PRKN: variants seen among roughly 807,000 people sequenced by gnomAD.
PRKN encodes parkin RBR E3 ubiquitin protein ligase.
A neutral mutation model predicts 59.5 loss-of-function variants in PRKN; 56 were observed. The ratio of observed to expected loss-of-function variants is 0.94; its 90% CI spans 0.76 to 1.18. PRKN has a LOEUF of 1.18. Among genes scored for constraint, PRKN ranks in the 50% most tolerant of loss-of-function variants. The probability of loss-of-function intolerance (pLI) is 0.00; values close to 1 mark genes in which losing one functional copy is unlikely to be tolerated. For missense variants in PRKN, 657 were observed against 596.4 expected (o/e 1.10, Z -1.06); for synonymous variants, 250 against 222.1 (o/e 1.13, Z -1.12).
At chr6:162,636,838 C>T (rs1442711916) in intron 1 of PRKN, among the ~76,000 whole-genome samples, 2 of 151,892 alleles carry the variant, frequency 1.3e-5, no homozygotes, top group African/African-American at 4.8e-5. Flanking sequence ...TGGTGGCATG[C>T]ACCTGTAGTA....
chr6:161,709,080 G>T (rs1786633492), intron 7 of PRKN, among the ~76,000 whole-genome samples: 2 of 152,146 alleles, frequency 1.3e-5, no homozygotes, highest in Non-Finnish European at 2.9e-5. Context: ...ATGACTAGTG[G>T]ATAAATGATT....
chr6:161,772,678 C>A (rs1789746170), intron 7 of PRKN, among the ~76,000 whole-genome samples: 2 of 152,162 alleles, frequency 1.3e-5, no homozygotes, highest in South Asian at 4.1e-4. Flanking sequence ...TTCCCAGTCA[C>A]TAGTCCAGTT....
rs1196976998 is a variant in PRKN, at chr6:161,401,623, C to T, written c.1084-14746G>A. Among the ~76,000 whole-genome samples the T allele has an allele frequency of 7.4e-6, 1 of 134,286 alleles. No homozygotes were observed. The highest frequency in any genetic ancestry group is 2.6e-5 in the African/African-American group (1 of 37,776). 88.1% of individuals were successfully genotyped at this position (134,286 alleles called of 152,430 possible). A position where few individuals can be genotyped will look rare whatever the true frequency, so the allele number is the denominator to read the frequency against. On this transcript the variant is annotated intron_variant, in intron 9 of 11. Transcript: ENST00000366898. This position sits in a 1 kb window ranked among gnomAD's most constrained non-coding sequence, Gnocchi z 4.4. ...AGCAAGATTCTGTCCCCACTCCCCACCAAAAAAAAAAAATTAGAGTACTGA... is the reference window on the plus strand; with the variant it reads ...AGCAAGATTCTGTCCCCACTCCCCATCAAAAAAAAAAAATTAGAGTACTGA...
At chr6:162,524,425 A>T (rs1033185713) in intron 1 of PRKN, among the ~76,000 whole-genome samples, 3 of 152,146 alleles carry the variant, frequency 2.0e-5, no homozygotes, top group African/African-American at 2.4e-5. Flanking sequence ...GATTTTGGTA[A>T]TAGTCTTGGG....
chr6:162,670,050 C>A (rs987654225), intron 1 of PRKN, among the ~76,000 whole-genome samples: 10 of 152,242 alleles, frequency 6.6e-5, no homozygotes, highest in South Asian at 2.1e-4. Context: ...ATTTGACAAA[C>A]CTAAAAGTAT....
At chr6:161,820,118 T>C (rs1361573637) in intron 6 of PRKN, among the ~76,000 whole-genome samples, 4 of 152,130 alleles carry the variant, frequency 2.6e-5, no homozygotes, top group South Asian at 4.1e-4. Flanking sequence ...TCATTATTAA[T>C]AGTAATTTAA....
At chr6:161,626,088 G>C (rs1216432043) in intron 7 of PRKN, among the ~76,000 whole-genome samples, 1 of 152,174 alleles carries the variant, frequency 6.6e-6, no homozygotes, top group Non-Finnish European at 1.5e-5. Context: ...AAATTCCTCA[G>C]AAGTTAAGAT....
chr6:162,453,269 C>T (rs1450643626), intron 1 of PRKN, among the ~76,000 whole-genome samples: 1 of 152,200 alleles, frequency 6.6e-6, no homozygotes, highest in Admixed American at 6.5e-5. Flanking sequence ...CTCAAGGAAA[C>T]AGCTTTGGTT....
chr6:161,530,264 T>C lies in PRKN; in HGVS notation c.1083+18590A>G, dbSNP rs1031477111. 3.9e-5 allele frequency among the ~76,000 whole-genome samples: 6 copies of C among 152,228 alleles called. No homozygotes were observed. The highest frequency in any genetic ancestry group is 8.8e-5 in the Non-Finnish European group (6 of 68,038). ...GAAGGGTTGTAAATTTAGACATTTTTTGAAGATTCACGTGTTTGGTTCAAT... is the reference window on the plus strand; with the variant it reads ...GAAGGGTTGTAAATTTAGACATTTTCTGAAGATTCACGTGTTTGGTTCAAT... On this transcript the variant is annotated intron_variant, in intron 9 of 11. Coordinates refer to ENST00000366898, the MANE Select transcript of PRKN (RefSeq NM_004562.3). The surrounding 1 kb of genome is among the most constrained non-coding windows in gnomAD (Gnocchi z 5.0).
chr6:161,590,625 C>T (rs185532381), intron 7 of PRKN, among the ~76,000 whole-genome samples: 8 of 151,668 alleles, frequency 5.3e-5, no homozygotes, highest in South Asian at 4.2e-4. Context: ...CCCAGCTACT[C>T]GGGAGGCTGA....
chr6:162,402,889 A>C (rs1483565264), intron 2 of PRKN, among the ~76,000 whole-genome samples: 4 of 151,902 alleles, frequency 2.6e-5, no homozygotes, highest in Non-Finnish European at 5.9e-5. Context: ...CCTAGGCTCA[A>C]GTCTCGGGCT....
At chr6:162,235,289 T>C (rs1693698468) in intron 3 of PRKN, among the ~76,000 whole-genome samples, 1 of 152,178 alleles carries the variant, frequency 6.6e-6, no homozygotes, top group Admixed American at 6.5e-5. Context: ...TATTGTTTTT[T>C]AGCCAGGTAA....
At chr6:161,755,980 T>G (rs531988041) in intron 7 of PRKN, among the ~76,000 whole-genome samples, 2 of 152,088 alleles carry the variant, frequency 1.3e-5, no homozygotes, top group African/African-American at 2.4e-5. Context: ...AAAGGACTCA[T>G]GAGCAATTGA....
At chr6:161,899,067 G>A (rs563268292) in intron 6 of PRKN, among the ~76,000 whole-genome samples, 2 of 152,324 alleles carry the variant, frequency 1.3e-5, no homozygotes, top group South Asian at 2.1e-4. Context: ...GCAGCCCTTG[G>A]CTGCCTTCAA....
chr6:162,595,979 G>A (rs1449126057), intron 1 of PRKN, among the ~76,000 whole-genome samples: 1 of 151,586 alleles, frequency 6.6e-6, no homozygotes, highest in African/African-American at 2.4e-5. Flanking sequence ...TTTCTAACAA[G>A]TTTGCTGTAG....
At chr6:162,354,710 A>T (rs1427123615) in intron 2 of PRKN, among the ~76,000 whole-genome samples, 1 of 152,130 alleles carries the variant, frequency 6.6e-6, no homozygotes, top group African/African-American at 2.4e-5. Context: ...TCCCTTCGTT[A>T]TACTGAGGAA....
chr6:161,640,636 C>A (rs1783705098), intron 7 of PRKN, among the ~76,000 whole-genome samples: 1 of 152,116 alleles, frequency 6.6e-6, no homozygotes, highest in South Asian at 2.1e-4. Flanking sequence ...TTTGACCAGG[C>A]TTGAGTTGAC....
At position 162,197,640 on chromosome 6, in the gene PRKN, C is replaced by T. The variant is rs527557428; in HGVS notation, c.534+3491G>A. 6.6e-5 allele frequency among the ~76,000 whole-genome samples: 10 copies of T among 152,204 alleles called. No homozygotes were observed. In the South Asian group the frequency reaches 1.2e-3, roughly 19 times the overall value. On this transcript the variant is annotated intron_variant, in intron 4 of 11. Coordinates refer to ENST00000366898, the MANE Select transcript of PRKN (RefSeq NM_004562.3). ...TATTTATGAACTGTGTAACTTTGGG[C>T]TCATTACTTAACCTCATGGAGTCTC...
At position 161,523,490 on chromosome 6, in the gene PRKN, C is replaced by T. The variant is rs148523607; in HGVS notation, c.1083+25364G>A. Reference sequence around the variant, plus strand: ...ACTTGAGTTTGCTCACAGACAATGGCGATTCATATCAATTGCAATGCTTTT... The same window carrying T: ...ACTTGAGTTTGCTCACAGACAATGGTGATTCATATCAATTGCAATGCTTTT... On this transcript the variant is annotated intron_variant, in intron 9 of 11. Coordinates refer to ENST00000366898, the MANE Select transcript of PRKN (RefSeq NM_004562.3). Among the ~76,000 whole-genome samples, 59 of 152,226 alleles carry T rather than the reference C, an allele frequency of 3.9e-4. No individual in the cohort carries two copies. In the East Asian group the frequency reaches 0.01, roughly 26 times the overall value.
Sources: allele counts gnomAD v4.1 joint callset (sites outside exome capture counted in the v4.1 genomes callset), GRCh38; gene constraint gnomAD v4.1.1; non-coding constraint Gnocchi (gnomAD v3.1); transcripts MANE v1.5; gene names NCBI Gene and HGNC (gene_info 2026-07-23, HGNC 2026-07-21).